The following SEMA6A variants were observed in gnomAD, a reference collection of about 807,000 sequenced individuals.
SEMA6A encodes the protein semaphorin 6A.
SEMA6A carries 25 observed loss-of-function variants against 96.8 expected under a neutral mutation model. The observed-to-expected ratio is 0.26, with a 90% confidence interval of 0.19 to 0.36. The LOEUF is 0.36. SEMA6A is among the 10% of genes least tolerant of loss of function. The pLI, the probability that SEMA6A is intolerant of heterozygous loss-of-function variation, is 1.00. For synonymous variants in SEMA6A, 612 were observed against 518.0 expected, an observed-to-expected ratio of 1.18 and a Z score of -2.46; for missense variants, 1,363 against 1,323.1, an observed-to-expected ratio of 1.03 and a Z score of -0.47.
chr5:116,465,003 C>A (rs1185535459), intron 18 of SEMA6A, among the ~76,000 whole-genome samples: 1 of 152,082 alleles, frequency 6.6e-6, no homozygotes, highest in Admixed American at 6.6e-5. Flanking sequence ...AGAAACAATT[C>A]CAGAGTATAT....
intron 18 of SEMA6A, among the ~76,000 whole-genome samples, chr5:116,451,962 A>C (rs1217424497): frequency 1.5e-5 from 2 of 137,820 alleles, no homozygotes; most frequent in African/African-American, 5.8e-5. Context: ...GGAACTGAAT[A>C]ATTAGAAAAA....
At chr5:116,484,448 T>G (rs969772888) in intron 10 of SEMA6A, among the ~76,000 whole-genome samples, 1 of 152,124 alleles carries the variant, frequency 6.6e-6, no homozygotes, top group Non-Finnish European at 1.5e-5. Context: ...AGGCAGTAAG[T>G]GCACCACAAA....
intron 10 of SEMA6A, among the ~76,000 whole-genome samples, chr5:116,485,564 A>T (rs998385621): frequency 1.3e-5 from 2 of 152,212 alleles, no homozygotes; most frequent in African/African-American, 4.8e-5. Flanking sequence ...CTTGACTCTC[A>T]TCCGCTGTAT....
chr5:116,506,509 G>C (rs1388636512), intron 1 of SEMA6A, among the ~76,000 whole-genome samples: 1 of 152,146 alleles, frequency 6.6e-6, no homozygotes, highest in Non-Finnish European at 1.5e-5. Flanking sequence ...TTATTTGCCA[G>C]TTCTTCCTAT....
At chr5:116,548,651 A>T (rs1760282607) in intron 1 of SEMA6A, among the ~76,000 whole-genome samples, 1 of 152,196 alleles carries the variant, frequency 6.6e-6, no homozygotes, top group African/African-American at 2.4e-5. Context: ...TCCAATGGGA[A>T]AATTGAGGCC....
intron 18 of SEMA6A, among the ~76,000 whole-genome samples, chr5:116,463,221 G>C (rs1755526427): frequency 6.6e-6 from 1 of 152,250 alleles, no homozygotes; most frequent in African/African-American, 2.4e-5. Context: ...TAACGCAGAA[G>C]ACTGAAAGAG....
At chr5:116,483,932 T>C (rs1030672177) in intron 10 of SEMA6A, among the ~76,000 whole-genome samples, 4 of 151,892 alleles carry the variant, frequency 2.6e-5, no homozygotes, top group African/African-American at 2.4e-5. Context: ...GGCATGATGG[T>C]GGGCACCTGT....
chr5:116,547,773 C>T (rs1190687627), intron 1 of SEMA6A, among the ~76,000 whole-genome samples: 1 of 148,712 alleles, frequency 6.7e-6, no homozygotes, highest in African/African-American at 2.5e-5. Flanking sequence ...AAATGATCCC[C>T]TGAGTCAACA....
intron 17 of SEMA6A, chr5:116,472,740 G>C: frequency 1.6e-6 from 1 of 609,886 alleles, no homozygotes; most frequent in Admixed American, 3.7e-5. Context: ...TTGAAGGACG[G>C]TGAAATTAAT....
At chr5:116,532,181 C>T (rs865897867) in intron 1 of SEMA6A, among the ~76,000 whole-genome samples, 4 of 152,294 alleles carry the variant, frequency 2.6e-5, no homozygotes, top group African/African-American at 7.2e-5. Context: ...CATTCCCAAC[C>T]TCCTGAGTCA....
At chr5:116,536,866 TAAAAAAAAAAAAAAAAA>T (rs72214884) in intron 1 of SEMA6A, among the ~76,000 whole-genome samples, 1 of 69,480 alleles carries the variant, frequency 1.4e-5, no homozygotes, top group Admixed American at 2.1e-4. Context: ...TGTGATTTCT[TAAAAAAAAAAAAAAAAA>T]AAAAAAAAAA....
At chr5:116,555,346 A>C (rs1760567405) in intron 1 of SEMA6A, among the ~76,000 whole-genome samples, 1 of 152,212 alleles carries the variant, frequency 6.6e-6, no homozygotes, top group Non-Finnish European at 1.5e-5. Flanking sequence ...CAGGCTCAGA[A>C]TAGGGGTTTA....
rs1754039591 is a variant in SEMA6A, at chr5:116,443,983, G to A, written c.*2630C>T. ...TGACACAGGTCTCCTTAACAGCTGA[G>A]GCAGTGATGCCTACAAACACTGGAC... On this transcript the variant is annotated 3_prime_UTR_variant, in exon 19 of 19. Transcript: ENST00000343348. 1 of 152,212 alleles carries A rather than the reference G, an allele frequency of 6.6e-6. No individual in the cohort carries two copies. The highest frequency in any genetic ancestry group is 2.1e-4 in the South Asian group (1 of 4,824). The allele number at this position is 152,212 out of a possible 1,614,324, so 9.4% of individuals were successfully genotyped here.
chr5:116,447,244 G>T lies in SEMA6A; in HGVS notation c.2462C>A (p.Thr821Lys). ...HIPSVVVLPI[T>K]QQGYQHEYVD... ...GTACTCATGCTGGTAGCCCTGCTGC[G>T]TGATGGGCAGGACCACCACGCTGGG... The change falls in exon 19 of 19, where the codon ACG (threonine) becomes AAG (lysine). Residue 821 changes from threonine to lysine, a missense_variant. Coordinates refer to ENST00000343348, the MANE Select transcript of SEMA6A (RefSeq NM_020796.5). 6.2e-7 allele frequency: 1 copy of T among 1,613,998 alleles called. No individual in the cohort carries two copies. The highest frequency in any genetic ancestry group is 8.5e-7 in the Non-Finnish European group (1 of 1,179,908).
In SEMA6A at chr5:116,488,214, C is replaced by G. The variant is rs1481545164; in HGVS notation, c.656-18G>C. 1 of 1,518,964 alleles carries G rather than the reference C, an allele frequency of 6.6e-7. No homozygotes were observed. The highest frequency in any genetic ancestry group is 9.1e-7 in the Non-Finnish European group (1 of 1,099,496). 94.1% of individuals were successfully genotyped at this position (1,518,964 alleles called of 1,614,324 possible). A position where few individuals can be genotyped will look rare whatever the true frequency, so the allele number is the denominator to read the frequency against. On this transcript the variant is annotated intron_variant, in intron 8 of 18. Transcript: ENST00000343348. ...GTATGGTTCTGTAGACAAACAGGCA[C>G]TTTAATTGGGAACATGTCAAACAGA...
At chr5:116,519,348 T>G (rs1758820200) in intron 1 of SEMA6A, among the ~76,000 whole-genome samples, 1 of 152,216 alleles carries the variant, frequency 6.6e-6, no homozygotes, top group African/African-American at 2.4e-5. Context: ...GGGTACTTTT[T>G]TAGTGTTTTG....
chr5:116,462,205 G>C (rs1046938092), intron 18 of SEMA6A, among the ~76,000 whole-genome samples: 1 of 152,102 alleles, frequency 6.6e-6, no homozygotes, highest in Non-Finnish European at 1.5e-5. Context: ...CAGGGGGTAG[G>C]ATCTATGATT....
intron 18 of SEMA6A, among the ~76,000 whole-genome samples, chr5:116,462,683 G>C (rs1437247986): frequency 6.6e-6 from 1 of 152,122 alleles, no homozygotes; most frequent in Non-Finnish European, 1.5e-5. Context: ...GTATTCACTT[G>C]GTTTTGCAAG....
chr5:116,479,313 C>A (rs1379598367), intron 12 of SEMA6A, among the ~76,000 whole-genome samples: 3 of 152,178 alleles, frequency 2.0e-5, no homozygotes, highest in Non-Finnish European at 4.4e-5. Context: ...TAGCAATTTG[C>A]TTTCTCTGAA....
Sources: gnomAD v4.1 joint callset for allele counts (sites outside exome capture counted in the v4.1 genomes callset) on GRCh38, gnomAD v4.1.1 for gene constraint, MANE v1.5 for transcripts, NCBI Gene and HGNC (gene_info 2026-07-23, HGNC 2026-07-21) for gene names.